The following ADAMTSL1 variants were observed in gnomAD, a reference collection of about 807,000 sequenced individuals.
The protein encoded by ADAMTSL1 is ADAMTS like 1.
Under a neutral mutation model 201.8 loss-of-function variants are expected in ADAMTSL1, and 126 were observed. The ratio of observed to expected loss-of-function variants is 0.62; its 90% CI spans 0.54 to 0.72. The LOEUF (loss-of-function observed/expected upper bound fraction) is 0.72, where lower values mean the gene tolerates loss of function less well. Ranked by LOEUF, ADAMTSL1 falls within the 30% of genes least tolerant of loss-of-function variation. The pLI, the probability that ADAMTSL1 is intolerant of heterozygous loss-of-function variation, is 0.00. For missense variants in ADAMTSL1, 2,679 were observed against 2,277.8 expected (o/e 1.18, Z -3.59); for synonymous variants, 1,121 against 903.4 (o/e 1.24, Z -4.32).
At chr9:18,253,995 G>T (rs1381954219) in intron 2 of ADAMTSL1, among the ~76,000 whole-genome samples, 1 of 152,130 alleles carries the variant, frequency 6.6e-6, no homozygotes, top group Non-Finnish European at 1.5e-5. Flanking sequence ...TGACCCATCT[G>T]TGTGCAACCT....
chr9:18,482,204 C>T (rs777790927), intron 1 of ADAMTSL1, among the ~76,000 whole-genome samples: 4 of 152,122 alleles, frequency 2.6e-5, no homozygotes, highest in Non-Finnish European at 5.9e-5. Flanking sequence ...GAACATATGC[C>T]GTTTATAATA....
chr9:18,530,212 T>C (rs934142022), intron 2 of ADAMTSL1, among the ~76,000 whole-genome samples: 7 of 152,154 alleles, frequency 4.6e-5, no homozygotes, highest in African/African-American at 9.6e-5. Context: ...ATTTGGCAGG[T>C]AAGGAAACTA....
At chr9:18,567,101 C>A (rs1040353233) in intron 3 of ADAMTSL1, among the ~76,000 whole-genome samples, 1 of 152,118 alleles carries the variant, frequency 6.6e-6, no homozygotes, top group East Asian at 1.9e-4. Flanking sequence ...GGGGCCCCAA[C>A]AATCCTGTAT....
intron 2 of ADAMTSL1, among the ~76,000 whole-genome samples, chr9:18,219,447 C>A (rs936123169): frequency 1.3e-5 from 2 of 151,972 alleles, no homozygotes; most frequent in Non-Finnish European, 2.9e-5. Context: ...CGGCTCACTG[C>A]AATGTCTGCC....
intron 3 of ADAMTSL1, among the ~76,000 whole-genome samples, chr9:18,555,056 A>G (rs1384983654): frequency 6.6e-6 from 1 of 151,864 alleles, no homozygotes; most frequent in Non-Finnish European, 1.5e-5. Flanking sequence ...CGTGACAACT[A>G]CCAGTCTTTT....
intron 7 of ADAMTSL1, among the ~76,000 whole-genome samples, chr9:18,647,153 A>G (rs1827867923): frequency 6.6e-6 from 1 of 152,032 alleles, no homozygotes; most frequent in Admixed American, 6.6e-5. Flanking sequence ...CATTTCTTCT[A>G]GATTTTCTAG....
chr9:18,694,065 G>A (rs571289760), intron 13 of ADAMTSL1, among the ~76,000 whole-genome samples: 20 of 152,252 alleles, frequency 1.3e-4, no homozygotes, highest in African/African-American at 4.6e-4. Context: ...GCTAGACAAG[G>A]AGGAAGAGGG....
intron 2 of ADAMTSL1, among the ~76,000 whole-genome samples, chr9:18,434,106 G>GCT (rs1306170879): frequency 2.6e-5 from 4 of 152,202 alleles, no homozygotes; most frequent in Admixed American, 2.6e-4. Flanking sequence ...GCTTAGAAAA[G>GCT]AGCAATTATA....
At chr9:18,655,776 C>T (rs10963713) in intron 7 of ADAMTSL1, among the ~76,000 whole-genome samples, 25,558 of 134,126 alleles carry the variant, frequency 0.19, 2,677 homozygotes, top group Middle Eastern at 0.3. Context: ...TAACCACACA[C>T]CCCAAGAGAG....
intron 2 of ADAMTSL1, among the ~76,000 whole-genome samples, chr9:18,200,356 C>G (rs973375714): frequency 2.0e-5 from 3 of 151,828 alleles, no homozygotes; most frequent in African/African-American, 7.3e-5. Flanking sequence ...TTATTCTATA[C>G]TCATTTGATT....
At chr9:17,981,887 G>A (rs1289596208) in intron 1 of ADAMTSL1, among the ~76,000 whole-genome samples, 5 of 152,064 alleles carry the variant, frequency 3.3e-5, no homozygotes, top group Non-Finnish European at 7.4e-5. Context: ...AGCTATTTGG[G>A]CACCTATTTA....
chr9:18,677,248 C>G (rs1400497544), intron 10 of ADAMTSL1, among the ~76,000 whole-genome samples: 1 of 151,770 alleles, frequency 6.6e-6, no homozygotes, highest in Non-Finnish European at 1.5e-5. Flanking sequence ...CATTAGTCAG[C>G]TCACTCCTAC....
At chr9:18,830,555 A>G (rs959861825) in intron 23 of ADAMTSL1, among the ~76,000 whole-genome samples, 1 of 152,144 alleles carries the variant, frequency 6.6e-6, no homozygotes, top group African/African-American at 2.4e-5. Context: ...GGAAACCTTC[A>G]CCAAGTTATT....
At chr9:18,445,417 C>T (rs575685161) in intron 2 of ADAMTSL1, among the ~76,000 whole-genome samples, 3 of 152,104 alleles carry the variant, frequency 2.0e-5, no homozygotes, top group Non-Finnish European at 4.4e-5. Flanking sequence ...TTCCTACATA[C>T]AAAATGATAC....
chr9:18,043,894 C>T (rs907632020), intron 1 of ADAMTSL1, among the ~76,000 whole-genome samples: 4 of 150,710 alleles, frequency 2.7e-5, no homozygotes, highest in South Asian at 2.1e-4. Flanking sequence ...GATGACTATC[C>T]TCTTTCTTCA....
At chr9:18,531,842 G>A (rs1819464599) in intron 2 of ADAMTSL1, among the ~76,000 whole-genome samples, 1 of 152,152 alleles carries the variant, frequency 6.6e-6, no homozygotes, top group African/African-American at 2.4e-5. Flanking sequence ...TTGTGATCAT[G>A]AGTGTGTGAG....
At chr9:18,123,583 A>C (rs183321470) in intron 1 of ADAMTSL1, among the ~76,000 whole-genome samples, 2 of 152,296 alleles carry the variant, frequency 1.3e-5, no homozygotes, top group East Asian at 3.9e-4. Context: ...ATCTCAGATA[A>C]CTTTTAAAAA....
intron 2 of ADAMTSL1, among the ~76,000 whole-genome samples, chr9:18,172,051 T>C (rs1386230520): frequency 2.1e-5 from 3 of 146,062 alleles, no homozygotes; most frequent in African/African-American, 7.7e-5. Context: ...GACAGCATGT[T>C]CTCACTCATA....
At chr9:18,553,734 C>G (rs1341179333) in intron 3 of ADAMTSL1, among the ~76,000 whole-genome samples, 2 of 151,798 alleles carry the variant, frequency 1.3e-5, no homozygotes, top group South Asian at 2.1e-4. Context: ...CTCAACACTT[C>G]AAAGAGAATT....
Sources: allele counts gnomAD v4.1 joint callset (sites outside exome capture counted in the v4.1 genomes callset), GRCh38; gene constraint gnomAD v4.1.1; transcripts MANE v1.5; gene names NCBI Gene and HGNC (gene_info 2026-07-23, HGNC 2026-07-21).